Variants in MALRD1 observed in about 807,000 individuals in gnomAD.
MALRD1 encodes the protein MAM and LDL receptor class A domain containing 1.
Under a neutral mutation model 242.1 loss-of-function variants are expected in MALRD1, and 247 were observed. That is an observed-to-expected ratio of 1.02 (90% CI 0.92 to 1.13). The LOEUF (loss-of-function observed/expected upper bound fraction) is 1.13. MALRD1 is among the 50% of genes most tolerant of loss of function. The probability of loss-of-function intolerance (pLI) is 0.00; values close to 1 mark genes in which losing one functional copy is unlikely to be tolerated. For synonymous variants in MALRD1, 995 were observed against 866.6 expected (o/e 1.15, Z -2.60); for missense variants, 2,989 against 2,533.1 (o/e 1.18, Z -3.86).
At chr10:19,690,751 T>C (rs1842783798) in intron 36 of MALRD1, among the ~76,000 whole-genome samples, 1 of 151,870 alleles carries the variant, frequency 6.6e-6, no homozygotes, top group Non-Finnish European at 1.5e-5. Context: ...TATATACATT[T>C]AGATAAATAG....
chr10:19,450,313 A>T lies in MALRD1; in HGVS notation c.4852A>T (p.Lys1618Ter), dbSNP rs2131037607. 1 of 1,547,906 alleles carries T rather than the reference A, an allele frequency of 6.5e-7. No homozygotes were observed. Among genetic ancestry groups the T allele is most frequent in the East Asian group, 2.4e-5 (1 of 40,890 alleles). The change falls in exon 29 of 40, where the codon AAA (lysine) becomes TAA (stop). Residue 1618 changes from lysine to a stop codon, truncating the protein, a stop_gained. Coordinates refer to ENST00000454679, the MANE Select transcript of MALRD1 (RefSeq NM_001142308.3). LOFTEE classifies it high-confidence loss of function. The stretch of plus-strand genomic sequence containing the variant: ...CAAACTTCTTTACTTTCAGACAGAG[A>T]AAGGACTATCAAAAGTATGGCAAGA... Reference protein sequence around the residue: ...GSIQILIKTEKGLSKVWQESK... With the variant: ...GSIQILIKTE
intron 36 of MALRD1, among the ~76,000 whole-genome samples, chr10:19,644,421 G>T (rs1041228760): frequency 3.0e-3 from 6 of 2,006 alleles, no homozygotes; most frequent in African/African-American, 0.011. Flanking sequence ...TGCCTTATCA[G>T]TCTACTTTGC....
chr10:19,150,360 C>A (rs1281761092), intron 11 of MALRD1, among the ~76,000 whole-genome samples: 1 of 152,104 alleles, frequency 6.6e-6, no homozygotes, highest in African/African-American at 2.4e-5. Flanking sequence ...TTTCTCCAAT[C>A]CATGCACACG....
At chr10:19,237,906 A>ATATAGTTATATAATTATATGTAATTT (rs1838448485) in intron 18 of MALRD1, among the ~76,000 whole-genome samples, 1 of 117,944 alleles carries the variant, frequency 8.5e-6, no homozygotes, top group East Asian at 2.4e-4. Context: ...AAATAATTTT[A>ATATAGTTATATAATTATATGTAATTT]TATAGTTATA....
intron 26 of MALRD1, among the ~76,000 whole-genome samples, chr10:19,361,855 TTTC>T (rs1844910531): frequency 6.6e-6 from 1 of 152,178 alleles, no homozygotes; most frequent in African/African-American, 2.4e-5. Flanking sequence ...AACCCCAGTA[TTTC>T]TTATCAAAAG....
chr10:19,162,561 A>G (rs903410913), intron 12 of MALRD1, among the ~76,000 whole-genome samples: 4 of 152,316 alleles, frequency 2.6e-5, no homozygotes, highest in East Asian at 3.9e-4. Flanking sequence ...TACAGCTTGT[A>G]TCAATAACTT....
At chr10:19,596,219 T>C (rs927048203) in intron 34 of MALRD1, among the ~76,000 whole-genome samples, 6 of 152,158 alleles carry the variant, frequency 3.9e-5, no homozygotes, top group Admixed American at 1.3e-4. Context: ...ACACACATCT[T>C]AAAGTGAGTA....
chr10:19,138,523 T>A (rs899150530), intron 10 of MALRD1, among the ~76,000 whole-genome samples: 2 of 151,240 alleles, frequency 1.3e-5, no homozygotes, highest in African/African-American at 4.9e-5. Context: ...CGGGTTCAAG[T>A]GATTCTCCTG....
chr10:19,102,250 T>G (rs924812329), intron 4 of MALRD1, among the ~76,000 whole-genome samples: 1 of 151,742 alleles, frequency 6.6e-6, no homozygotes, highest in Non-Finnish European at 1.5e-5. Context: ...AGCCATACTT[T>G]TAATCACTGT....
At chr10:19,062,829 T>C (rs1834861349) in intron 1 of MALRD1, among the ~76,000 whole-genome samples, 1 of 152,092 alleles carries the variant, frequency 6.6e-6, no homozygotes, top group Admixed American at 6.6e-5. Context: ...TGCTTAACAA[T>C]GTGAATATAC....
At chr10:19,669,808 TAGAG>T (rs1459597818) in intron 36 of MALRD1, among the ~76,000 whole-genome samples, 5 of 152,106 alleles carry the variant, frequency 3.3e-5, no homozygotes, top group Non-Finnish European at 7.3e-5. Flanking sequence ...TATCAGGTGG[TAGAG>T]AGAGGCTGCT....
intron 19 of MALRD1, among the ~76,000 whole-genome samples, chr10:19,278,133 A>G (rs73593863): frequency 6.6e-6 from 1 of 152,294 alleles, no homozygotes; most frequent in Non-Finnish European, 1.5e-5. Flanking sequence ...TAATGAGTCA[A>G]TCAGACACAT....
intron 36 of MALRD1, among the ~76,000 whole-genome samples, chr10:19,616,861 T>G (rs1564487969): frequency 2.0e-5 from 3 of 152,042 alleles, no homozygotes; most frequent in African/African-American, 2.4e-5. Context: ...ACTAATGAGT[T>G]TCTTGGAACT....
At chr10:19,146,162 T>C in intron 10 of MALRD1, 36 bp from the exon 11 acceptor site, 1 of 1,231,188 alleles carries the variant, frequency 8.1e-7, no homozygotes, top group Non-Finnish European at 1.0e-6. Context: ...ATGCTCTTCA[T>C]TTCTCCTCAC....
At chr10:19,572,275 T>C (rs1254171374) in intron 33 of MALRD1, among the ~76,000 whole-genome samples, 2 of 152,224 alleles carry the variant, frequency 1.3e-5, no homozygotes, top group African/African-American at 4.8e-5. Flanking sequence ...CTGTTTTCCT[T>C]AGCCATGTGA....
At chr10:19,318,664 T>G (rs1588902555) in intron 21 of MALRD1, among the ~76,000 whole-genome samples, 1 of 152,100 alleles carries the variant, frequency 6.6e-6, no homozygotes, top group South Asian at 2.1e-4. Flanking sequence ...ATTAGCCTTG[T>G]TCTGTCTCTT....
At chr10:19,382,439 G>C (rs1018523329) in intron 26 of MALRD1, among the ~76,000 whole-genome samples, 10 of 152,108 alleles carry the variant, frequency 6.6e-5, no homozygotes, top group African/African-American at 1.7e-4. Flanking sequence ...ATAAAAGTTA[G>C]AATATCTGAA....
chr10:19,159,408 A>G (rs1834300625), intron 12 of MALRD1, among the ~76,000 whole-genome samples: 1 of 151,850 alleles, frequency 6.6e-6, no homozygotes, highest in African/African-American at 2.4e-5. Flanking sequence ...TAGATCTTAT[A>G]AAGGTGCAGC....
chr10:19,644,288 T>A (rs1180185593), intron 36 of MALRD1, among the ~76,000 whole-genome samples: 1 of 152,160 alleles, frequency 6.6e-6, no homozygotes, highest in Non-Finnish European at 1.5e-5. Context: ...GAACCAGAAA[T>A]TCTGTGGGAT....
Sources: allele counts gnomAD v4.1 joint callset (sites outside exome capture counted in the v4.1 genomes callset), GRCh38; gene constraint gnomAD v4.1.1; transcripts MANE v1.5; gene names NCBI Gene and HGNC (gene_info 2026-07-23, HGNC 2026-07-21).